ADAMTS15: variants seen among roughly 807,000 people sequenced by gnomAD.
ADAMTS15 encodes A disintegrin and metalloproteinase with thrombospondin motifs 15.
In ADAMTS15, 35 loss-of-function variants were observed where a neutral mutation model predicts 79.1. The observed-to-expected ratio is 0.44, with a 90% CI of 0.34 to 0.59. The LOEUF (loss-of-function observed/expected upper bound fraction) is 0.59. ADAMTS15 is among the 20% of genes least tolerant of loss of function. The pLI is 0.02. For missense variants in ADAMTS15, 1,324 were observed against 1,318.7 expected (o/e 1.00, Z -0.06); for synonymous variants, 616 against 567.3 (o/e 1.09, Z -1.22).
chr11:130,459,964 T>G (rs975989467), intron 1 of ADAMTS15, among the ~76,000 whole-genome samples: 2 of 152,226 alleles, frequency 1.3e-5, no homozygotes, highest in East Asian at 3.9e-4. Flanking sequence ...GACACATGCT[T>G]CTTTGCCTGT....
chr11:130,469,021 G>T lies in ADAMTS15; in HGVS notation c.1543-241G>T, dbSNP rs138728418. The stretch of plus-strand genomic sequence containing the variant: ...TACTGCCCAAAGAGGCCTCTCTTTT[G>T]CACGGCCTCCTTTGCACCTGGGAGC... On this transcript the variant is annotated intron_variant, in intron 4 of 7. Transcript: ENST00000299164. 6.0e-3 allele frequency among the ~76,000 whole-genome samples: 891 copies of T among 148,856 alleles called. 11 individuals are homozygous for T. The highest frequency in any genetic ancestry group is 0.021 in the African/African-American group (852 of 40,032).
rs1296957036 is a variant in ADAMTS15, at chr11:130,474,736, T to TG, written c.*918dup. 1.3e-5 allele frequency: 2 copies of TG among 152,238 alleles called. No homozygotes were observed. The highest frequency in any genetic ancestry group is 2.4e-5 in the African/African-American group (1 of 41,402). The allele number at this position is 152,238 out of a possible 1,614,324, so 9.4% of individuals were successfully genotyped here. A position where few individuals can be genotyped will look rare whatever the true frequency, so the allele number is the denominator to read the frequency against. ...GGCCTGGCTTTGGGAGATGTCACCC[T>TG]GGGATAGGGAGGAGGAAGCTGCATT... On this transcript the variant is annotated 3_prime_UTR_variant, in exon 8 of 8. Transcript: ENST00000299164.
At chr11:130,465,209 A>G (rs1024204220) in intron 4 of ADAMTS15, among the ~76,000 whole-genome samples, 2 of 151,920 alleles carry the variant, frequency 1.3e-5, no homozygotes, top group African/African-American at 2.4e-5. Flanking sequence ...GGGGGAAAAA[A>G]CCAAGTAATC....
rs1169596109 is a variant in ADAMTS15 at position 130,473,493 on chromosome 11, G to T, written c.2525G>T (p.Arg842Leu). Residue 842 changes from arginine (R) to leucine (L), a missense_variant, in exon 8 of 8, where the codon CGC becomes CTC. Physicochemically the swap from Arg to Leu is moderately radical, Grantham distance 102. Transcript: ENST00000299164. Reference protein sequence around the residue: ...VEQPDDRPPARWVAGSWGPCS... With the variant: ...VEQPDDRPPALWVAGSWGPCS... ...CAGCCGGACGACAGGCCCCCTGCAC[G>T]CTGGGTGGCTGGCAGCTGGGGGCCG... is the stretch of plus-strand genomic sequence containing the variant. The T allele has an allele frequency of 1.2e-6, 2 of 1,610,560 alleles. No homozygotes were observed. The highest frequency in any genetic ancestry group is 8.5e-7 in the Non-Finnish European group (1 of 1,178,366).
intron 4 of ADAMTS15, among the ~76,000 whole-genome samples, chr11:130,468,370 C>T (rs1245527474): frequency 3.3e-5 from 5 of 152,164 alleles, no homozygotes; most frequent in Admixed American, 2.0e-4. Flanking sequence ...GTAGCTCACG[C>T]CTGTAATCCC....
intron 4 of ADAMTS15, among the ~76,000 whole-genome samples, chr11:130,467,658 A>G (rs1285780369): frequency 1.3e-5 from 2 of 151,872 alleles, no homozygotes; most frequent in African/African-American, 2.4e-5. Context: ...TGCTTCCTCT[A>G]TTGCTCAACT....
intron 1 of ADAMTS15, among the ~76,000 whole-genome samples, chr11:130,458,174 A>G (rs1938126003): frequency 6.6e-6 from 1 of 152,142 alleles, no homozygotes. Context: ...GACGCCCTCT[A>G]GATCCCAGTC....
In ADAMTS15 at chr11:130,470,922, T is replaced by G. The variant is rs79839754; in HGVS notation, c.1723T>G (p.Ser575Ala). 5.3e-4 allele frequency: 856 copies of G among 1,612,910 alleles called. 8 individuals carry two copies. The East Asian group carries it at 0.014, about 27-fold the overall frequency. ...TTCTTATGCTTCTCCCTCCCTAGCC[T>G]CCGGAAAGAGCTTCCGGGAGGAGCA... ...CNLEPCPSSA[S>A]GKSFREEQCE... The change falls in exon 6 of 8, where the codon TCC (serine) becomes GCC (alanine). Residue 575 changes from serine (S) to alanine (A), a missense_variant and splice_region_variant. Transcript: ENST00000299164.
rs750469978 is a variant in ADAMTS15 at position 130,473,668 on chromosome 11, C to T, written c.2700C>T (p.Ser900=). The T allele has an allele frequency of 4.6e-5, 74 of 1,605,248 alleles. No homozygotes were observed. The highest frequency in any genetic ancestry group is 6.7e-5 in the Admixed American group (4 of 60,000). ...CGEPCPTWEL[S]AWSPCSKSCG... Reference sequence around the variant, plus strand: ...AGCCCTGCCCCACCTGGGAGCTCAGCGCCTGGTCACCCTGCTCCAAGAGCT... The same window carrying T: ...AGCCCTGCCCCACCTGGGAGCTCAGTGCCTGGTCACCCTGCTCCAAGAGCT... Residue 900 remains serine, a synonymous_variant, in exon 8 of 8, where the codon AGC becomes AGT. Transcript: ENST00000299164.
At chr11:130,459,912 CAG>C (rs1186110356) in intron 1 of ADAMTS15, among the ~76,000 whole-genome samples, 9 of 152,244 alleles carry the variant, frequency 5.9e-5, no homozygotes, top group Non-Finnish European at 1.2e-4. Flanking sequence ...AGCATGTACA[CAG>C]ATGCACATGT....
rs1938570522 is a variant in ADAMTS15 at position 130,475,718 on chromosome 11, A to G, written c.*1897A>G. 1 of 152,388 alleles carries G rather than the reference A, an allele frequency of 6.6e-6. No homozygotes were observed. 9.4% of individuals were successfully genotyped at this position (152,388 alleles called of 1,614,324 possible). ...GTCACCCCTGAAGAACTAAGTGAAC[A>G]GGAACCCCTCTGTGCCAGTGACCAC... On this transcript the variant is annotated 3_prime_UTR_variant, in exon 8 of 8. Transcript: ENST00000299164.
chr11:130,449,337 G>A lies in ADAMTS15; in HGVS notation c.364G>A (p.Gly122Arg), dbSNP rs757539029. 6.2e-7 allele frequency: 1 copy of A among 1,608,652 alleles called. No individual in the cohort carries two copies. Among genetic ancestry groups the A allele is most frequent in the African/African-American group, 1.3e-5 (1 of 75,058 alleles). ...GTTCGCTGCTGTGAGCCTGTGCGGGGGGCTCCGCGGAGCCTTTGGCTACCG... is the reference window on the plus strand; with the variant it reads ...GTTCGCTGCTGTGAGCCTGTGCGGGAGGCTCCGCGGAGCCTTTGGCTACCG... ...DSFAAVSLCG[G>R]LRGAFGYRGA... Residue 122 changes from glycine (G) to arginine (R), a missense_variant, in exon 1 of 8, where the codon GGG becomes AGG. Physicochemically the swap from Gly to Arg is moderately radical, Grantham distance 125. Coordinates refer to ENST00000299164, the MANE Select transcript of ADAMTS15 (RefSeq NM_139055.4). This position sits in a 1 kb window ranked among gnomAD's most constrained non-coding sequence, Gnocchi z 7.8.
At position 130,473,032 on chromosome 11, in the gene ADAMTS15, C is replaced by T. The variant is rs371575008; in HGVS notation, c.2079-15C>T. 3.1e-6 allele frequency: 5 copies of T among 1,611,774 alleles called. No individual in the cohort carries two copies. The highest frequency in any genetic ancestry group is 2.2e-5 in the East Asian group (1 of 44,840). On this transcript the variant is annotated splice_polypyrimidine_tract_variant and intron_variant, in intron 7 of 7. Transcript: ENST00000299164. ...AGGCTTCTATCTGATGCACGGCCCC[C>T]CTTTCCCCCGCCAGGCATGGCTACA...
chr11:130,471,118 C>T lies in ADAMTS15; in HGVS notation c.1902+17C>T. On this transcript the variant is annotated intron_variant, in intron 6 of 7. Coordinates refer to ENST00000299164, the MANE Select transcript of ADAMTS15 (RefSeq NM_139055.4). ...GCACCCAAGGTGAGTGAGCCTGGGG[C>T]CTGAGAACAAAGTAGGGACCAGGTC... 1 of 1,607,044 alleles carries T rather than the reference C, an allele frequency of 6.2e-7. No individual in the cohort carries two copies. The highest frequency in any genetic ancestry group is 8.5e-7 in the Non-Finnish European group (1 of 1,176,292).
chr11:130,471,484 T>C (rs1237179199), intron 7 of ADAMTS15, 101 bp downstream of exon 7: 2 of 1,390,898 alleles, frequency 1.4e-6, no homozygotes, highest in Non-Finnish European at 1.9e-6. Context: ...AAATGTCAGA[T>C]CCAGCCAGTA....
Position 130,449,946 on chromosome 11 carries a change from G to A in ADAMTS15, c.957+16G>A. On this transcript the variant is annotated intron_variant, in intron 1 of 7. Transcript: ENST00000299164. This position sits in a 1 kb window ranked among gnomAD's most constrained non-coding sequence, Gnocchi z 7.8. Reference sequence around the variant, plus strand: ...CACCAGGCAGGTGAGTTGATCTGCCGTCACTTTGCACCCAGATAGTCCCGT... The same window carrying A: ...CACCAGGCAGGTGAGTTGATCTGCCATCACTTTGCACCCAGATAGTCCCGT... 1 of 1,594,866 alleles carries A rather than the reference G, an allele frequency of 6.3e-7. No individual in the cohort carries two copies. Among genetic ancestry groups the A allele is most frequent in the Non-Finnish European group, 8.5e-7 (1 of 1,176,362 alleles).
Position 130,470,152 on chromosome 11 carries a change from G to GTATATATATA in ADAMTS15, c.1720+714_1720+715insATATATATAT, listed in dbSNP as rs1157689519. Among the ~76,000 whole-genome samples, 15 of 73,758 alleles carry GTATATATATA rather than the reference G, an allele frequency of 2.0e-4. 1 individual carries two copies. The highest frequency in any genetic ancestry group is 4.7e-4 in the East Asian group (1 of 2,134). 48.4% of individuals were successfully genotyped at this position (73,758 alleles called of 152,430 possible). A position where few individuals can be genotyped will look rare whatever the true frequency, so the allele number is the denominator to read the frequency against. On this transcript the variant is annotated intron_variant, in intron 5 of 7. Transcript: ENST00000299164. The stretch of plus-strand genomic sequence containing the variant: ...TATATACATATATATATATATATAT[G>GTATATATATA]TGTATATATATATATATATATATAT...
At chr11:130,469,666 T>G (rs1244076904) in intron 5 of ADAMTS15, among the ~76,000 whole-genome samples, 1 of 152,182 alleles carries the variant, frequency 6.6e-6, no homozygotes, top group African/African-American at 2.4e-5. Context: ...CAGATTCTTC[T>G]TGGGATCATT....
intron 4 of ADAMTS15, among the ~76,000 whole-genome samples, chr11:130,466,099 C>T (rs1482765293): frequency 1.3e-5 from 2 of 152,150 alleles, no homozygotes; most frequent in East Asian, 3.9e-4. Flanking sequence ...TCTCGAACTC[C>T]TGACCTCAGG....
Sources: gnomAD v4.1 joint callset for allele counts (sites outside exome capture counted in the v4.1 genomes callset) on GRCh38, gnomAD v4.1.1 for gene constraint, Gnocchi (gnomAD v3.1) non-coding constraint, MANE v1.5 for transcripts, NCBI Gene and HGNC (gene_info 2026-07-23, HGNC 2026-07-21) for gene names.